EPS15L1: variants seen among roughly 807,000 people sequenced by gnomAD.
The protein encoded by EPS15L1 is epidermal growth factor receptor substrate 15-like 1.
In EPS15L1, 43 loss-of-function variants were observed where a neutral mutation model predicts 117.1. The observed-to-expected ratio is 0.37, with a 90% CI of 0.29 to 0.47. EPS15L1 has a LOEUF of 0.47. EPS15L1 is among the 20% of genes least tolerant of loss of function. EPS15L1 has a pLI of 0.99. For missense variants in EPS15L1, 981 were observed against 1,164.0 expected, an observed-to-expected ratio of 0.84 and a Z score of 2.29; for synonymous variants, 459 against 470.5, an observed-to-expected ratio of 0.98 and a Z score of 0.32.
intron 1 of EPS15L1, among the ~76,000 whole-genome samples, chr19:16,442,857 G>A (rs912194501): frequency 2.0e-5 from 3 of 152,206 alleles, no homozygotes; most frequent in African/African-American, 4.8e-5. Flanking sequence ...CCAAGACATC[G>A]CTGTTTGGAG....
At chr19:16,360,078 T>TA (rs1364129563) in intron 23 of EPS15L1, among the ~76,000 whole-genome samples, 1 of 148,866 alleles carries the variant, frequency 6.7e-6, no homozygotes, top group African/African-American at 2.5e-5. Flanking sequence ...TTTTTTTTTT[T>TA]ATGCTTTTCG....
At chr19:16,428,202 A>G (rs1050300571) in intron 8 of EPS15L1, among the ~76,000 whole-genome samples, 3 of 137,124 alleles carry the variant, frequency 2.2e-5, no homozygotes, top group Non-Finnish European at 4.7e-5. Context: ...CTCCGTATCA[A>G]AAAAAAAAAG....
chr19:16,463,999 G>C (rs746497083), intron 1 of EPS15L1, among the ~76,000 whole-genome samples: 1 of 152,278 alleles, frequency 6.6e-6, no homozygotes, highest in African/African-American at 2.4e-5. Context: ...CAGAGGGAAT[G>C]AGGACTGCAG....
chr19:16,463,624 C>T (rs951899337), intron 1 of EPS15L1, among the ~76,000 whole-genome samples: 1 of 152,208 alleles, frequency 6.6e-6, no homozygotes, highest in African/African-American at 2.4e-5. Context: ...CACCTGAGTG[C>T]CAGCTGCAGC....
In EPS15L1 at chr19:16,440,895, G is replaced by A. The variant is rs199918822; in HGVS notation, c.180C>T (p.Ala60=). ...DIILGKIWDL[A]DPEGKGFLDK... is the part of the protein sequence containing the mutation. ...CCAAGAACCCTTTACCTTCTGGATC[G>A]GCCAAGTCCCATATCTGCGGAAACA... The change falls in exon 4 of 24, where the codon GCC becomes GCT. Residue 60 remains alanine (A), a synonymous_variant. Coordinates refer to ENST00000455140, the MANE Select transcript of EPS15L1 (RefSeq NM_001258374.3). 1.4e-4 allele frequency: 223 copies of A among 1,613,942 alleles called. No homozygotes were observed. Among genetic ancestry groups the A allele is most frequent in the Non-Finnish European group, 1.7e-4 (201 of 1,179,970 alleles).
intron 10 of EPS15L1, among the ~76,000 whole-genome samples, chr19:16,419,740 TTGCTGATAAATGCCTAG>T (rs2144937054): frequency 6.6e-6 from 1 of 152,348 alleles, no homozygotes; most frequent in African/African-American, 2.4e-5. Flanking sequence ...TCAAAGAACA[TTGCTGATAAATGCCTAG>T]TTATCCCCAC....
rs1342744913 is a variant in EPS15L1, at chr19:16,428,571, AG to A, written c.558+130del. 86 of 654,956 alleles carry A rather than the reference AG, an allele frequency of 1.3e-4. No homozygotes were observed. The African/African-American group carries it at 1.4e-3, about 11-fold the overall frequency. The allele number at this position is 654,956 out of a possible 1,614,324, so 40.6% of individuals were successfully genotyped here. On this transcript the variant is annotated intron_variant, in intron 8 of 23. Transcript: ENST00000455140. ...AGAAAAGAAAGGAAAAGAAAGGAAA[AG>A]GAAAGGAAAAGAAAAGAAAAGAAAA...
chr19:16,369,784 C>T (rs1165539481), intron 22 of EPS15L1, among the ~76,000 whole-genome samples: 1 of 151,920 alleles, frequency 6.6e-6, no homozygotes. Context: ...TACAGACTGG[C>T]AGGTGTCACA....
chr19:16,445,499 C>T (rs2093074486), intron 1 of EPS15L1, among the ~76,000 whole-genome samples: 1 of 152,198 alleles, frequency 6.6e-6, no homozygotes, highest in African/African-American at 2.4e-5. Context: ...CCCCAACTGC[C>T]ACTTCCTCTT....
At chr19:16,430,775 G>A (rs1220000673) in intron 7 of EPS15L1, among the ~76,000 whole-genome samples, 1 of 152,184 alleles carries the variant, frequency 6.6e-6, no homozygotes, top group South Asian at 2.1e-4. Flanking sequence ...AAGTGCGCAC[G>A]GATGAATGTA....
intron 10 of EPS15L1, among the ~76,000 whole-genome samples, chr19:16,419,751 T>A (rs551013521): frequency 2.4e-4 from 37 of 152,212 alleles, no homozygotes; most frequent in Non-Finnish European, 4.9e-4. Context: ...TGCTGATAAA[T>A]GCCTAGTTAT....
rs137884743 is a variant in EPS15L1, at chr19:16,402,478, C to T, written c.1634G>A (p.Ser545Asn). Residue 545 changes from serine to asparagine, a missense_variant, in exon 16 of 24, where the codon AGC becomes AAC. Transcript: ENST00000455140. ...STQDEINQAR[S>N]KLSQLHESRQ... The stretch of plus-strand genomic sequence containing the variant: ...GCTTTCATGCAGCTGGGAAAGTTTG[C>T]TCCTTGCCTGTGCAACAAAGACATC... 1.3e-4 allele frequency: 206 copies of T among 1,596,302 alleles called. 1 individual carries two copies. The highest frequency in any genetic ancestry group is 1.7e-4 in the Non-Finnish European group (201 of 1,171,930).
intron 7 of EPS15L1, among the ~76,000 whole-genome samples, chr19:16,430,800 C>T (rs944401471): frequency 4.6e-5 from 7 of 152,266 alleles, no homozygotes; most frequent in East Asian, 1.9e-4. Context: ...TATGGACACA[C>T]GGGGACATGG....
intron 12 of EPS15L1, among the ~76,000 whole-genome samples, chr19:16,414,250 A>C (rs1599607018): frequency 6.6e-6 from 1 of 151,686 alleles, no homozygotes; most frequent in Admixed American, 6.6e-5. Context: ...GAGACCTCGG[A>C]CCCCCAGCCG....
At chr19:16,386,295 A>C (rs1312418431) in intron 19 of EPS15L1, 64 bp from the exon 20 acceptor site, 3 of 1,308,944 alleles carry the variant, frequency 2.3e-6, no homozygotes, top group Non-Finnish European at 3.3e-6. Flanking sequence ...CATTCATTCA[A>C]CCAGACCTTC....
intron 1 of EPS15L1, among the ~76,000 whole-genome samples, chr19:16,449,583 C>A (rs73511172): frequency 0.16 from 23,911 of 151,894 alleles, 1,949 homozygotes; most frequent in Admixed American, 0.19. Context: ...TTTCTTAAAA[C>A]AACAACAACA....
intron 13 of EPS15L1, among the ~76,000 whole-genome samples, chr19:16,408,618 C>T (rs1339840441): frequency 6.6e-6 from 1 of 151,562 alleles, no homozygotes; most frequent in Admixed American, 6.6e-5. Flanking sequence ...CGAGATTGCG[C>T]CACTGCACTC....
At chr19:16,372,596 C>T (rs919167964) in intron 22 of EPS15L1, among the ~76,000 whole-genome samples, 2 of 152,182 alleles carry the variant, frequency 1.3e-5, no homozygotes, top group African/African-American at 4.8e-5. Flanking sequence ...TTAATGACTC[C>T]CAGAATGTGT....
chr19:16,372,866 G>A (rs971290911), intron 22 of EPS15L1, among the ~76,000 whole-genome samples: 3 of 152,228 alleles, frequency 2.0e-5, no homozygotes, highest in African/African-American at 4.8e-5. Context: ...AAACCAGCCT[G>A]ATCAAGCAGT....
Sources: gnomAD v4.1 joint callset for allele counts (sites outside exome capture counted in the v4.1 genomes callset) on GRCh38, gnomAD v4.1.1 for gene constraint, MANE v1.5 for transcripts, NCBI Gene and HGNC (gene_info 2026-07-23, HGNC 2026-07-21) for gene names.